Variants in CCAR1 observed in about 807,000 individuals in gnomAD.
CCAR1 encodes the protein cell division cycle and apoptosis regulator protein 1.
A neutral mutation model predicts 163.8 loss-of-function variants in CCAR1; 78 were observed. That is an observed-to-expected ratio of 0.48 (90% CI 0.40 to 0.57). CCAR1 has a LOEUF of 0.57. Among genes scored for constraint, CCAR1 ranks in the 20% least tolerant of loss-of-function variants. The pLI is 0.00. For synonymous variants in CCAR1, 443 were observed against 460.7 expected (o/e 0.96, Z 0.49); for missense variants, 1,019 against 1,365.2 (o/e 0.75, Z 4.00).
intron 2 of CCAR1, among the ~76,000 whole-genome samples, chr10:68,732,311 A>G (rs1225900295): frequency 1.3e-5 from 2 of 151,402 alleles, no homozygotes; most frequent in Admixed American, 1.3e-4. Flanking sequence ...TTTACATGAT[A>G]ATTTTTTTTC....
intron 19 of CCAR1, among the ~76,000 whole-genome samples, chr10:68,784,454 CCA>C (rs2056772516): frequency 6.6e-6 from 1 of 152,116 alleles, no homozygotes; most frequent in Non-Finnish European, 1.5e-5. Flanking sequence ...CTTAAGTGAT[CCA>C]TCTGCCTCGG....
At position 68,754,730 on chromosome 10, in the gene CCAR1, G is replaced by T; in HGVS notation, c.1361G>T (p.Ser454Ile). The T allele has an allele frequency of 6.2e-7, 1 of 1,600,864 alleles. No homozygotes were observed. Among genetic ancestry groups the T allele is most frequent in the Non-Finnish European group, 8.6e-7 (1 of 1,168,522 alleles). The change falls in exon 12 of 25, where the codon AGC becomes ATC. Residue 454 changes from serine to isoleucine, a missense_variant. Ser to Ile is a moderately radical substitution (Grantham distance 142). Around this residue, in one of 4 missense-constraint regions of CCAR1, gnomAD observed 644 missense variants for 904.4 expected, o/e 0.71. Coordinates refer to ENST00000265872, the MANE Select transcript of CCAR1 (RefSeq NM_018237.4). ...LYSAKVMLMA[S>I]PSMEDLYHKS... ...CTATAATAGGTAATGCTGATGGCTAGCCCTAGTATGGAAGATTTATATCAT... is the reference window on the plus strand; with the variant it reads ...CTATAATAGGTAATGCTGATGGCTATCCCTAGTATGGAAGATTTATATCAT...
intron 4 of CCAR1, 96 bp downstream of exon 4, chr10:68,737,985 A>G (rs1006132693): frequency 1.2e-6 from 1 of 816,452 alleles, no homozygotes; most frequent in Admixed American, 2.9e-5. Flanking sequence ...CAGCTACCTT[A>G]ACATGTGATA....
At chr10:68,750,214 C>CTTTTTTT (rs58204351) in intron 10 of CCAR1, among the ~76,000 whole-genome samples, 23 of 52,974 alleles carry the variant, frequency 4.3e-4, no homozygotes, top group Non-Finnish European at 8.2e-4. Flanking sequence ...TTTCTTTTTT[C>CTTTTTTT]TTTTTTTTTT....
Position 68,743,393 on chromosome 10 carries a change from C to T in CCAR1, c.518+824C>T, listed in dbSNP as rs7902810. 2.8e-3 allele frequency among the ~76,000 whole-genome samples: 423 copies of T among 151,406 alleles called. 3 individuals carry two copies. Among genetic ancestry groups the T allele is most frequent in the African/African-American group, 9.5e-3 (394 of 41,276 alleles). ...ATTGGCCAGGCTGGTCTCGAACTCC[C>T]GACCTCACGATCCACCTGCCTCGGC... On this transcript the variant is annotated intron_variant, in intron 6 of 24. Coordinates refer to ENST00000265872, the MANE Select transcript of CCAR1 (RefSeq NM_018237.4).
chr10:68,747,167 C>G lies in CCAR1; in HGVS notation c.525C>G (p.Val175=). The change falls in exon 7 of 25, where the codon GTC becomes GTG. Residue 175 remains valine, a synonymous_variant. Transcript: ENST00000265872. ...DEDVFFQLSA[V]KGKTPQVGDR... ...TTTCTTTTTTTTTTTACAGTGCTGT[C>G]AAAGGGAAAACCCCCCAAGTAGGTG... is the stretch of plus-strand genomic sequence containing the variant. The G allele has an allele frequency of 6.5e-7, 1 of 1,543,478 alleles. No homozygotes were observed. The highest frequency in any genetic ancestry group is 8.8e-7 in the Non-Finnish European group (1 of 1,140,072).
In CCAR1 at chr10:68,786,590, A is replaced by C. The variant is rs1589195427; in HGVS notation, c.2778A>C (p.Leu926Phe). The C allele has an allele frequency of 6.3e-7, 1 of 1,599,452 alleles. No individual in the cohort carries two copies. The highest frequency in any genetic ancestry group is 2.2e-5 in the East Asian group (1 of 44,682). ...TGATCACAATTAACAGAGATCTGTT[A>C]ATGGCTTTTGTTTATTTTGATCAAA... The part of the protein sequence containing the change: ...TQMITINRDL[L>F]MAFVYFDQSH... Residue 926 changes from leucine (L) to phenylalanine (F), a missense_variant, in exon 21 of 25, where the codon TTA becomes TTC. Leu to Phe is a conservative substitution (Grantham distance 22, BLOSUM62 0). This residue lies in a region of CCAR1 where 358 missense variants were observed against 406.4 expected (regional missense o/e 0.88). Transcript: ENST00000265872.
In CCAR1 at chr10:68,788,293, T is replaced by C. The variant is rs949824373; in HGVS notation, c.3152T>C (p.Val1051Ala). Residue 1051 changes from valine to alanine, a missense_variant, in exon 23 of 25, where the codon GTA becomes GCA. Val to Ala is a moderately conservative substitution (Grantham distance 64). Transcript: ENST00000265872. ...AAGAGCGAAAAAGTAAGAGCTGAGG[T>C]AGAACAGAAGCTGCAGTTACTAGAA... Reference protein sequence around the residue: ...LEKSEKVRAEVEQKLQLLEEK... With the variant: ...LEKSEKVRAEAEQKLQLLEEK... 1 of 1,581,182 alleles carries C rather than the reference T, an allele frequency of 6.3e-7. No homozygotes were observed. Among genetic ancestry groups the C allele is most frequent in the South Asian group, 1.2e-5 (1 of 84,650 alleles).
chr10:68,782,809 G>A (rs1589192708), intron 19 of CCAR1, among the ~76,000 whole-genome samples: 1 of 151,950 alleles, frequency 6.6e-6, no homozygotes, highest in East Asian at 1.9e-4. Flanking sequence ...TGTAACCGAC[G>A]TTTTTACTAA....
chr10:68,760,582 C>CGAAAG (rs2056456140), intron 15 of CCAR1, among the ~76,000 whole-genome samples: 1 of 152,052 alleles, frequency 6.6e-6, no homozygotes, highest in East Asian at 1.9e-4. Flanking sequence ...AAAAGTCACA[C>CGAAAG]GAAAGGCTGG....
intron 10 of CCAR1, among the ~76,000 whole-genome samples, chr10:68,750,747 G>A (rs2056320511): frequency 6.6e-6 from 1 of 152,142 alleles, no homozygotes; most frequent in Non-Finnish European, 1.5e-5. Flanking sequence ...TAAAAGCAGT[G>A]TTCAGGGCTG....
rs1028220290 is a variant in CCAR1 at position 68,742,529 on chromosome 10, A to G, written c.478A>G (p.Thr160Ala). ...FTGVVTKLHD[T>A]FGFVDEDVFF... Reference sequence around the variant, plus strand: ...AGGGGTGGTTACAAAACTACATGATACGTTTGGATTTGTGGATGAAGATGT... The same window carrying G: ...AGGGGTGGTTACAAAACTACATGATGCGTTTGGATTTGTGGATGAAGATGT... Residue 160 changes from threonine (T) to alanine (A), a missense_variant, in exon 6 of 25, where the codon ACG becomes GCG. Thr to Ala is a moderately conservative substitution (Grantham distance 58). Transcript: ENST00000265872. 6.2e-7 allele frequency: 1 copy of G among 1,614,060 alleles called. No individual in the cohort carries two copies. Among genetic ancestry groups the G allele is most frequent in the Non-Finnish European group, 8.5e-7 (1 of 1,179,950 alleles).
chr10:68,749,494 A>C (rs1358915288), intron 9 of CCAR1, 30 bp from the exon 10 acceptor site: 2 of 1,569,312 alleles, frequency 1.3e-6, no homozygotes, highest in Non-Finnish European at 1.7e-6. Context: ...TATTAGAAAT[A>C]TTAGTAATTT....
chr10:68,768,362 C>T (rs2056560751), intron 17 of CCAR1, among the ~76,000 whole-genome samples: 2 of 151,784 alleles, frequency 1.3e-5, no homozygotes, highest in African/African-American at 4.8e-5. Flanking sequence ...GTAATCACAG[C>T]ACTTTGGGAG....
chr10:68,745,204 C>T (rs2056236734), intron 6 of CCAR1, among the ~76,000 whole-genome samples: 1 of 152,046 alleles, frequency 6.6e-6, no homozygotes, highest in Non-Finnish European at 1.5e-5. Context: ...GACAGGGTTT[C>T]ACCGTGTTGG....
intron 17 of CCAR1, among the ~76,000 whole-genome samples, chr10:68,769,255 C>T (rs992181246): frequency 6.6e-6 from 1 of 152,142 alleles, no homozygotes; most frequent in Admixed American, 6.6e-5. Flanking sequence ...ATTACAGGCA[C>T]GAACCACCAT....
chr10:68,778,695 G>A (rs1043200762), intron 19 of CCAR1, among the ~76,000 whole-genome samples: 1 of 152,188 alleles, frequency 6.6e-6, no homozygotes, highest in South Asian at 2.1e-4. Context: ...TCCTGGAACA[G>A]TCTAAATAAT....
intron 3 of CCAR1, 110 bp downstream of exon 3, chr10:68,737,158 A>G (rs966517589): frequency 2.7e-6 from 2 of 750,252 alleles, no homozygotes; most frequent in Non-Finnish European, 2.2e-6. Context: ...TGTTTTTATT[A>G]TGCTGATTTC....
At chr10:68,754,313 A>T (rs1022933575) in intron 11 of CCAR1, among the ~76,000 whole-genome samples, 2 of 152,226 alleles carry the variant, frequency 1.3e-5, no homozygotes, top group African/African-American at 4.8e-5. Context: ...ATGTGAAGAT[A>T]AAGTTGATAT....
Sources: allele counts gnomAD v4.1 joint callset (sites outside exome capture counted in the v4.1 genomes callset), GRCh38; gene constraint gnomAD v4.1.1; regional missense constraint gnomAD v4.1.1; transcripts MANE v1.5; gene names NCBI Gene and HGNC (gene_info 2026-07-23, HGNC 2026-07-21).